CSMD3: variants seen among roughly 807,000 people sequenced by gnomAD.
CSMD3 encodes the protein CUB and Sushi multiple domains 3, also known as CUB and sushi domain-containing protein 3.
A neutral mutation model predicts 435.2 loss-of-function variants in CSMD3; 177 were observed. That is an observed-to-expected ratio of 0.41 (90% CI 0.36 to 0.46). The LOEUF is 0.46. CSMD3 is among the 20% of genes least tolerant of loss of function. The probability of loss-of-function intolerance (pLI) is 0.34; values close to 1 mark genes in which losing one functional copy is unlikely to be tolerated. For synonymous variants in CSMD3, 1,656 were observed against 1,520.5 expected (o/e 1.09, Z -2.07); for missense variants, 4,265 against 4,504.6 (o/e 0.95, Z 1.52).
intron 3 of CSMD3, among the ~76,000 whole-genome samples, chr8:113,276,431 C>G (rs140007981): frequency 6.6e-6 from 1 of 152,118 alleles, no homozygotes; most frequent in Non-Finnish European, 1.5e-5. Flanking sequence ...CAGTTGCTGG[C>G]TCTAAGGTAT....
intron 1 of CSMD3, among the ~76,000 whole-genome samples, chr8:113,342,872 T>C (rs1173223631): frequency 1.3e-5 from 2 of 151,546 alleles, no homozygotes; most frequent in African/African-American, 4.8e-5. Flanking sequence ...TATATATTAT[T>C]CCCAATGTCC....
intron 13 of CSMD3, among the ~76,000 whole-genome samples, chr8:112,699,639 C>T (rs1254925583): frequency 1.3e-5 from 2 of 152,168 alleles, no homozygotes; most frequent in East Asian, 3.9e-4. Flanking sequence ...TACTAGGTGA[C>T]TAATGATCGC....
intron 17 of CSMD3, among the ~76,000 whole-genome samples, chr8:112,661,923 A>G (rs148329539): frequency 2.5e-4 from 38 of 152,230 alleles, no homozygotes; most frequent in African/African-American, 8.4e-4. Context: ...TGCATAATAA[A>G]GTAATAGGTA....
intron 10 of CSMD3, among the ~76,000 whole-genome samples, chr8:112,895,633 G>C (rs1408156546): frequency 2.0e-5 from 3 of 151,386 alleles, no homozygotes; most frequent in Non-Finnish European, 4.4e-5. Context: ...GGGAATCAAA[G>C]ACAAATCCAA....
In CSMD3 at chr8:112,469,819, T is replaced by C. The variant is rs147353321; in HGVS notation, c.5395+2772A>G. On this transcript the variant is annotated intron_variant, in intron 32 of 70. Coordinates refer to ENST00000297405, the MANE Select transcript of CSMD3 (RefSeq NM_198123.2). ...CCTGTGCTAAACGATGTAAAAGTCA[T>C]GTTCTAAGAGCATCTGTATATGAAA... Among the ~76,000 whole-genome samples the C allele has an allele frequency of 1.1e-4, 17 of 152,258 alleles. 1 individual carries two copies. The highest frequency in any genetic ancestry group is 2.1e-4 in the Non-Finnish European group (14 of 68,020).
At chr8:112,884,200 A>G (rs2081525767) in intron 10 of CSMD3, among the ~76,000 whole-genome samples, 1 of 151,862 alleles carries the variant, frequency 6.6e-6, no homozygotes, top group South Asian at 2.1e-4. Context: ...ATCTTTTCAA[A>G]CAATGTACAG....
intron 7 of CSMD3, among the ~76,000 whole-genome samples, chr8:112,968,795 C>T (rs2084525511): frequency 6.6e-6 from 1 of 151,734 alleles, no homozygotes; most frequent in South Asian, 2.1e-4. Context: ...ACAATAAAAC[C>T]CTGATAATTG....
At chr8:112,999,473 T>A (rs2085780953) in intron 6 of CSMD3, among the ~76,000 whole-genome samples, 1 of 151,838 alleles carries the variant, frequency 6.6e-6, no homozygotes, top group South Asian at 2.1e-4. Flanking sequence ...AGACGTAAGT[T>A]AGTAAACCAT....
At chr8:112,423,426 G>A (rs1439074121) in intron 32 of CSMD3, among the ~76,000 whole-genome samples, 2 of 152,116 alleles carry the variant, frequency 1.3e-5, no homozygotes, top group Non-Finnish European at 1.5e-5. Flanking sequence ...TATGTGCAAA[G>A]CACTGCACTA....
chr8:112,436,732 A>G (rs575827636), intron 32 of CSMD3, among the ~76,000 whole-genome samples: 131 of 152,092 alleles, frequency 8.6e-4, no homozygotes, highest in African/African-American at 3.1e-3. Flanking sequence ...TCCTACTTGC[A>G]TTGTTATTCA....
intron 1 of CSMD3, among the ~76,000 whole-genome samples, chr8:113,364,618 G>C (rs1221365423): frequency 1.3e-5 from 2 of 152,018 alleles, no homozygotes; most frequent in African/African-American, 4.8e-5. Context: ...TATACTTGAA[G>C]ATTTCTTGCT....
chr8:113,284,296 G>A (rs2093631423), intron 2 of CSMD3, among the ~76,000 whole-genome samples: 1 of 152,140 alleles, frequency 6.6e-6, no homozygotes, highest in African/African-American at 2.4e-5. Context: ...TGTATGTCAT[G>A]GAGGAGTCTC....
intron 10 of CSMD3, among the ~76,000 whole-genome samples, chr8:112,884,515 A>G (rs1167227874): frequency 6.6e-6 from 1 of 151,766 alleles, no homozygotes. Context: ...GCTTAGCAAC[A>G]TTCCTGTCTT....
At chr8:112,427,936 G>T (rs1237950189) in intron 32 of CSMD3, among the ~76,000 whole-genome samples, 1 of 152,122 alleles carries the variant, frequency 6.6e-6, no homozygotes, top group African/African-American at 2.4e-5. Flanking sequence ...TTTTATGGAA[G>T]TGATTAATCT....
At chr8:113,434,669 A>G (rs1411648713) in intron 1 of CSMD3, among the ~76,000 whole-genome samples, 3 of 152,210 alleles carry the variant, frequency 2.0e-5, no homozygotes, top group African/African-American at 7.2e-5. Context: ...GCACAGGATC[A>G]AAGAAGGCTA....
At chr8:113,434,615 G>GA (rs889016778) in intron 1 of CSMD3, among the ~76,000 whole-genome samples, 6 of 151,756 alleles carry the variant, frequency 4.0e-5, no homozygotes, top group East Asian at 1.9e-4. Context: ...TATTGACATT[G>GA]AAAAAAAATG....
intron 3 of CSMD3, among the ~76,000 whole-genome samples, chr8:113,212,271 G>C (rs1475685581): frequency 6.6e-6 from 1 of 152,136 alleles, no homozygotes; most frequent in Non-Finnish European, 1.5e-5. Flanking sequence ...AAAATCTGCT[G>C]TGGTGAGGAT....
intron 21 of CSMD3, among the ~76,000 whole-genome samples, chr8:112,637,933 G>A (rs1758965668): frequency 6.6e-6 from 1 of 151,826 alleles, no homozygotes; most frequent in Non-Finnish European, 1.5e-5. Flanking sequence ...TTTAATGTTA[G>A]CAAGTTGGCA....
chr8:113,146,263 A>C (rs2131754353), intron 4 of CSMD3, among the ~76,000 whole-genome samples: 1 of 151,642 alleles, frequency 6.6e-6, no homozygotes, highest in East Asian at 2.0e-4. Flanking sequence ...TGTCAGCCTC[A>C]ATGTAACCAC....
Sources: gnomAD v4.1 joint callset for allele counts (sites outside exome capture counted in the v4.1 genomes callset) on GRCh38, gnomAD v4.1.1 for gene constraint, MANE v1.5 for transcripts, NCBI Gene and HGNC (gene_info 2026-07-23, HGNC 2026-07-21) for gene names.